NAV3: variants seen among roughly 807,000 people sequenced by gnomAD.
NAV3 encodes pore membrane and/or filament interacting like protein 1.
A neutral mutation model predicts 244.7 loss-of-function variants in NAV3; 87 were observed. The observed-to-expected ratio is 0.36, with a 90% CI of 0.30 to 0.42. The LOEUF is 0.42. Ranked by LOEUF, NAV3 falls within the 20% of genes least tolerant of loss-of-function variation. NAV3 has a pLI of 1.00. For missense variants in NAV3, 2,663 were observed against 2,893.3 expected, an observed-to-expected ratio of 0.92 and a Z score of 1.83; for synonymous variants, 1,126 against 1,042.2, an observed-to-expected ratio of 1.08 and a Z score of -1.55.
At position 77,891,722 on chromosome 12, in the gene NAV3, G is replaced by A. The variant is rs541358310; in HGVS notation, c.244-48597G>A. Among the ~76,000 whole-genome samples the A allele has an allele frequency of 4.6e-5, 7 of 152,290 alleles. No individual in the cohort carries two copies. In the South Asian group the frequency reaches 1.4e-3, roughly 32 times the overall value. On this transcript the variant is annotated intron_variant, in intron 1 of 39. Coordinates refer to ENST00000397909, the MANE Select transcript of NAV3 (RefSeq NM_001024383.2). ...TTAGAGAGTTTAAGGACTTGTACATGACCCCAAAGCCAGCAGCTGCAGAGA... is the reference window on the plus strand; with the variant it reads ...TTAGAGAGTTTAAGGACTTGTACATAACCCCAAAGCCAGCAGCTGCAGAGA...
chr12:77,891,221 C>CAATTTATAAAGATA (rs1313389719), intron 1 of NAV3, among the ~76,000 whole-genome samples: 1 of 148,182 alleles, frequency 6.7e-6, no homozygotes, highest in South Asian at 2.1e-4. Context: ...GATTTAATAT[C>CAATTTATAAAGATA]AATTTATAAA....
intron 2 of NAV3, among the ~76,000 whole-genome samples, chr12:77,636,799 AC>A (rs1222107670): frequency 1.3e-5 from 2 of 152,232 alleles, no homozygotes. Context: ...TACATAGAGT[AC>A]TATGCAGCCA....
chr12:77,598,818 C>G (rs995733676), intron 2 of NAV3, among the ~76,000 whole-genome samples: 2 of 151,714 alleles, frequency 1.3e-5, no homozygotes, highest in Non-Finnish European at 2.9e-5. Flanking sequence ...TACCCATGTC[C>G]CTTTGGGTTT....
At chr12:77,775,476 G>A (rs1471318041) in intron 2 of NAV3, among the ~76,000 whole-genome samples, 1 of 151,380 alleles carries the variant, frequency 6.6e-6, no homozygotes, top group East Asian at 1.9e-4. Flanking sequence ...TTATGACCAA[G>A]ATCTAGCCAA....
chr12:78,135,146 G>A (rs1468338387), intron 18 of NAV3, among the ~76,000 whole-genome samples: 2 of 152,168 alleles, frequency 1.3e-5, no homozygotes, highest in Admixed American at 1.3e-4. Flanking sequence ...ATCTTTGTAT[G>A]TCTTACATTT....
Position 78,173,779 on chromosome 12 carries a change from A to C in NAV3, c.4982-1527A>C, listed in dbSNP as rs557174808. ...AAGCTGTATGTGTTTCTTCCTATAA[A>C]ATTTTTCAGCATGATTGCCTCAGTA... is the stretch of plus-strand genomic sequence containing the variant. On this transcript the variant is annotated intron_variant, in intron 24 of 39. Coordinates refer to ENST00000397909, the MANE Select transcript of NAV3 (RefSeq NM_001024383.2). Among the ~76,000 whole-genome samples the C allele has an allele frequency of 3.6e-4, 55 of 151,600 alleles. 1 individual carries two copies. The highest frequency in any genetic ancestry group is 3.3e-3 in the South Asian group (16 of 4,814).
At chr12:78,181,964 A>G (rs947260740) in intron 30 of NAV3, among the ~76,000 whole-genome samples, 7 of 152,082 alleles carry the variant, frequency 4.6e-5, no homozygotes, top group African/African-American at 1.4e-4. Context: ...GCTGCTCTTC[A>G]TAATATAAAA....
intron 12 of NAV3, among the ~76,000 whole-genome samples, chr12:78,104,474 A>G (rs895448194): frequency 3.9e-5 from 6 of 152,198 alleles, no homozygotes; most frequent in Admixed American, 3.9e-4. Flanking sequence ...TTGTTTTCAA[A>G]CAAGCCTGCC....
chr12:78,098,397 C>G (rs757536581), intron 12 of NAV3, among the ~76,000 whole-genome samples: 1 of 151,818 alleles, frequency 6.6e-6, no homozygotes, highest in Non-Finnish European at 1.5e-5. Flanking sequence ...ACAAATAGGG[C>G]AGTGGAAAAC....
At chr12:77,762,226 A>T (rs1288617940) in intron 2 of NAV3, among the ~76,000 whole-genome samples, 2 of 152,196 alleles carry the variant, frequency 1.3e-5, no homozygotes, top group Non-Finnish European at 2.9e-5. Flanking sequence ...TGAGTTGAAC[A>T]ATGAGAACAC....
chr12:78,021,233 T>G (rs1877100493), intron 8 of NAV3, among the ~76,000 whole-genome samples: 1 of 152,178 alleles, frequency 6.6e-6, no homozygotes, highest in African/African-American at 2.4e-5. Context: ...AATGAGAATT[T>G]GTTTCTGGTT....
intron 2 of NAV3, among the ~76,000 whole-genome samples, chr12:77,819,588 C>A (rs1280567373): frequency 6.6e-6 from 1 of 151,468 alleles, no homozygotes; most frequent in Non-Finnish European, 1.5e-5. Context: ...TGCTCTATAC[C>A]CTAAATCTTA....
At chr12:77,973,079 AT>A (rs1391661897) in intron 5 of NAV3, among the ~76,000 whole-genome samples, 1 of 152,096 alleles carries the variant, frequency 6.6e-6, no homozygotes, top group Non-Finnish European at 1.5e-5. Flanking sequence ...TAAAAGATAC[AT>A]TTTTTTATTT....
intron 1 of NAV3, among the ~76,000 whole-genome samples, chr12:77,929,483 T>A (rs1185666349): frequency 6.6e-6 from 1 of 152,144 alleles, no homozygotes; most frequent in African/African-American, 2.4e-5. Context: ...TTTGAATTTA[T>A]CCACCTTGAG....
At chr12:78,136,037 T>C (rs1297792028) in intron 18 of NAV3, among the ~76,000 whole-genome samples, 3 of 152,174 alleles carry the variant, frequency 2.0e-5, no homozygotes, top group African/African-American at 7.2e-5. Context: ...AAATGTGAGA[T>C]ACTTCTCTCC....
chr12:78,100,201 T>C (rs963107545), intron 12 of NAV3, among the ~76,000 whole-genome samples: 1 of 151,992 alleles, frequency 6.6e-6, no homozygotes, highest in Admixed American at 6.6e-5. Context: ...TATGAATTTC[T>C]AGGTTATCAA....
intron 2 of NAV3, among the ~76,000 whole-genome samples, chr12:77,725,871 A>G (rs940625768): frequency 6.6e-6 from 1 of 151,902 alleles, no homozygotes; most frequent in Non-Finnish European, 1.5e-5. Context: ...TCTAGCCCTA[A>G]AGGCTGCCCT....
At position 77,638,263 on chromosome 12, in the gene NAV3, T is replaced by C. The variant is rs547011877; in HGVS notation, c.72+65997T>C. On this transcript the variant is annotated intron_variant, in intron 2 of 8. Transcript: ENST00000550042. ...CATTCTGGGAATTAGGAGGGAATGG[T>C]TACCCCTGCTTTGAAAACAAAGGAC... 2.8e-5 allele frequency among the ~76,000 whole-genome samples: 4 copies of C among 142,556 alleles called. No homozygotes were observed. The East Asian group carries it at 7.7e-4, about 28-fold the overall frequency. The allele number at this position is 142,556 out of a possible 152,430, so 93.5% of individuals were successfully genotyped here.
intron 1 of NAV3, among the ~76,000 whole-genome samples, chr12:77,857,835 A>G (rs1878624162): frequency 6.6e-6 from 1 of 151,910 alleles, no homozygotes; most frequent in Non-Finnish European, 1.5e-5. Flanking sequence ...CCCCAAACAC[A>G]TTTATATTTA....
Sources: gnomAD v4.1 joint callset for allele counts (sites outside exome capture counted in the v4.1 genomes callset) on GRCh38, gnomAD v4.1.1 for gene constraint, MANE v1.5 for transcripts, NCBI Gene and HGNC (gene_info 2026-07-23, HGNC 2026-07-21) for gene names.